The following FAM168A variants were observed in gnomAD, a reference collection of about 807,000 sequenced individuals.
The protein encoded by FAM168A is protein FAM168A.
Under a neutral mutation model 28.5 loss-of-function variants are expected in FAM168A, and 3 were observed. That is an observed-to-expected ratio of 0.11 (90% CI 0.05 to 0.27). FAM168A has a LOEUF of 0.27. Ranked by LOEUF, FAM168A falls within the 10% of genes least tolerant of loss-of-function variation. FAM168A has a pLI of 1.00. For missense variants in FAM168A, 222 were observed against 311.5 expected (o/e 0.71, Z 2.16); for synonymous variants, 122 against 124.2 (o/e 0.98, Z 0.12).
chr11:73,512,489 AT>A (rs1038656883), intron 1 of FAM168A, among the ~76,000 whole-genome samples: 38 of 152,074 alleles, frequency 2.5e-4, no homozygotes, highest in African/African-American at 8.7e-4. Flanking sequence ...TAGATGTGAT[AT>A]TTGCACAAGT....
At chr11:73,449,308 G>A (rs1867383064) in intron 2 of FAM168A, among the ~76,000 whole-genome samples, 1 of 152,058 alleles carries the variant, frequency 6.6e-6, no homozygotes, top group African/African-American at 2.4e-5. Context: ...AGCATATTCT[G>A]GCATTTATAA....
chr11:73,551,304 T>C (rs1220193049), intron 1 of FAM168A, among the ~76,000 whole-genome samples: 4 of 152,078 alleles, frequency 2.6e-5, no homozygotes, highest in Admixed American at 6.6e-5. Context: ...GGAGGACAGA[T>C]TTGGTGGAGG....
At chr11:73,530,685 T>G (rs1943505515) in intron 1 of FAM168A, among the ~76,000 whole-genome samples, 1 of 152,234 alleles carries the variant, frequency 6.6e-6, no homozygotes, top group Non-Finnish European at 1.5e-5. Flanking sequence ...CTTTTATCTC[T>G]TTTAAGTAGT....
chr11:73,535,724 T>TC (rs1419926563), intron 1 of FAM168A, among the ~76,000 whole-genome samples: 1 of 15,834 alleles, frequency 6.3e-5, no homozygotes, highest in Non-Finnish European at 2.7e-4. Context: ...TCACCCTTCT[T>TC]TTTTTTTTTT....
At chr11:73,578,501 C>G (rs1944203558) in intron 1 of FAM168A, among the ~76,000 whole-genome samples, 1 of 152,172 alleles carries the variant, frequency 6.6e-6, no homozygotes, top group Non-Finnish European at 1.5e-5. Flanking sequence ...CACAAACACA[C>G]ACACACAATT....
At chr11:73,587,169 A>AC (rs1041359576) in intron 1 of FAM168A, among the ~76,000 whole-genome samples, 6 of 150,146 alleles carry the variant, frequency 4.0e-5, no homozygotes, top group African/African-American at 1.2e-4. Flanking sequence ...AAAAAAAAAA[A>AC]AAAAAAAAAC....
At chr11:73,526,585 C>A (rs1292847456) in intron 1 of FAM168A, among the ~76,000 whole-genome samples, 1 of 152,072 alleles carries the variant, frequency 6.6e-6, no homozygotes, top group Non-Finnish European at 1.5e-5. Flanking sequence ...AAAAATGCAA[C>A]ACTGGCCATG....
intron 2 of FAM168A, among the ~76,000 whole-genome samples, chr11:73,464,577 A>G (rs1301276802): frequency 6.6e-6 from 1 of 152,168 alleles, no homozygotes; most frequent in Non-Finnish European, 1.5e-5. Context: ...GAATGAAGAG[A>G]AGGGAGAACA....
intron 1 of FAM168A, among the ~76,000 whole-genome samples, chr11:73,520,819 T>C (rs919545579): frequency 2.0e-5 from 3 of 150,226 alleles, no homozygotes; most frequent in African/African-American, 7.3e-5. Flanking sequence ...TGTCAAGCCA[T>C]TCAAAAAAAA....
At chr11:73,475,502 G>C (rs1004087478) in intron 1 of FAM168A, among the ~76,000 whole-genome samples, 2 of 152,048 alleles carry the variant, frequency 1.3e-5, no homozygotes, top group African/African-American at 4.8e-5. Flanking sequence ...CCCAAAAGAG[G>C]ATATGGTCTA....
chr11:73,460,162 G>A (rs577559317), intron 2 of FAM168A, among the ~76,000 whole-genome samples: 2 of 152,146 alleles, frequency 1.3e-5, no homozygotes, highest in Middle Eastern at 3.4e-3. Context: ...TTACAGGCGT[G>A]AGCCACCGCA....
chr11:73,545,683 C>CTTTTTTTT (rs966309670), intron 1 of FAM168A, among the ~76,000 whole-genome samples: 5 of 105,176 alleles, frequency 4.8e-5, no homozygotes, highest in Non-Finnish European at 5.5e-5. Context: ...ATACTATATA[C>CTTTTTTTT]TTTTTTTTTT....
chr11:73,479,830 T>C (rs752140022), intron 1 of FAM168A, among the ~76,000 whole-genome samples: 19 of 152,190 alleles, frequency 1.2e-4, no homozygotes, highest in Non-Finnish European at 2.2e-4. Context: ...ATTTGTTGAC[T>C]AGATGAATGA....
chr11:73,407,470 G>C, intron 7 of FAM168A, 43 bp downstream of exon 7: 1 of 1,393,364 alleles, frequency 7.2e-7, no homozygotes, highest in South Asian at 1.4e-5. Context: ...GGCAGTTCCT[G>C]TATGTATCCC....
intron 1 of FAM168A, among the ~76,000 whole-genome samples, chr11:73,582,865 T>C (rs929772984): frequency 2.6e-5 from 4 of 151,744 alleles, no homozygotes; most frequent in South Asian, 4.1e-4. Context: ...CTGAGTCTCA[T>C]TGTGTCTACT....
intron 2 of FAM168A, among the ~76,000 whole-genome samples, chr11:73,442,261 G>A (rs59417485): frequency 6.6e-6 from 1 of 151,840 alleles, no homozygotes; most frequent in Non-Finnish European, 1.5e-5. Flanking sequence ...GAGTAGCTGA[G>A]ACTACAGGCG....
intron 1 of FAM168A, among the ~76,000 whole-genome samples, chr11:73,591,568 G>C (rs190647283): frequency 1.3e-5 from 2 of 152,248 alleles, no homozygotes; most frequent in East Asian, 3.9e-4. Context: ...AGAGAGCAGA[G>C]GTATGATCAT....
At chr11:73,575,675 G>A (rs1944163407) in intron 1 of FAM168A, among the ~76,000 whole-genome samples, 2 of 152,060 alleles carry the variant, frequency 1.3e-5, no homozygotes, top group Non-Finnish European at 1.5e-5. Context: ...TTTGAGACCA[G>A]CCTGGTCAAC....
At chr11:73,588,978 G>A (rs1194756436) in intron 1 of FAM168A, among the ~76,000 whole-genome samples, 1 of 152,130 alleles carries the variant, frequency 6.6e-6, no homozygotes, top group Non-Finnish European at 1.5e-5. Flanking sequence ...ACATCGAGAA[G>A]ATGGCCATCT....
Sources: allele counts gnomAD v4.1 joint callset (sites outside exome capture counted in the v4.1 genomes callset), GRCh38; gene constraint gnomAD v4.1.1; transcripts MANE v1.5; gene names NCBI Gene and HGNC (gene_info 2026-07-23, HGNC 2026-07-21).